Variants in CLCN4 observed in about 807,000 individuals in gnomAD.
CLCN4 encodes H(+)/Cl(-) exchange transporter 4.
Under a neutral mutation model 41.7 loss-of-function variants are expected in CLCN4, and 1 was observed. The ratio of observed to expected loss-of-function variants is 0.02; its 90% CI spans 0.01 to 0.11. The LOEUF is 0.11. Among genes scored for constraint, CLCN4 ranks in the 10% least tolerant of loss-of-function variants. The pLI is 1.00. For missense variants in CLCN4, 287 were observed against 661.0 expected, an observed-to-expected ratio of 0.43 and a Z score of 6.20; for synonymous variants, 277 against 285.8, an observed-to-expected ratio of 0.97 and a Z score of 0.31.
intron 2 of CLCN4, among the ~76,000 whole-genome samples, chrX:10,160,670 G>A (rs960190993): frequency 8.9e-6 from 1 of 111,740 alleles, no homozygotes; most frequent in Non-Finnish European, 1.9e-5. Flanking sequence ...CGAGAGGGTG[G>A]TAATGTCTAT....
At chrX:10,215,542 G>T (rs911747974) in intron 11 of CLCN4, among the ~76,000 whole-genome samples, 13 of 111,815 alleles carry the variant, frequency 1.2e-4, no homozygotes, top group Non-Finnish European at 2.4e-4. Flanking sequence ...AAATAATGAG[G>T]TTTTTTTAAG....
intron 12 of CLCN4, among the ~76,000 whole-genome samples, chrX:10,221,611 C>T (rs1049679565): frequency 1.8e-5 from 2 of 112,553 alleles, no homozygotes; most frequent in East Asian, 5.6e-4. Context: ...GATTGCACCA[C>T]TGCACTCCAG....
chrX:10,168,154 G>GT (rs1479359738), intron 2 of CLCN4, among the ~76,000 whole-genome samples: 4 of 112,389 alleles, frequency 3.6e-5, no homozygotes, highest in Non-Finnish European at 7.5e-5. Context: ...GCAACGGTCT[G>GT]TATTTCATGA....
At chrX:10,196,558 C>CTTTTT (rs1924101483) in intron 5 of CLCN4, among the ~76,000 whole-genome samples, 1 of 48,978 alleles carries the variant, frequency 2.0e-5, no homozygotes, top group African/African-American at 1.6e-4. Context: ...TTTTTTTTGC[C>CTTTTT]TGACTGACTT....
intron 10 of CLCN4, 36 bp downstream of exon 10, chrX:10,212,689 G>T: frequency 2.6e-6 from 3 of 1,140,390 alleles, no homozygotes; most frequent in African/African-American, 3.5e-5. Flanking sequence ...GGGGACCGGG[G>T]AACTAATCTG....
intron 12 of CLCN4, among the ~76,000 whole-genome samples, chrX:10,228,173 G>A (rs1275786525): frequency 1.8e-5 from 2 of 110,338 alleles, no homozygotes; most frequent in East Asian, 2.8e-4. Flanking sequence ...ATACTAGATC[G>A]TATTCATTCT....
In CLCN4 at chrX:10,208,242, C is replaced by G. The variant is rs1280209494; in HGVS notation, c.1041C>G (p.Thr347=). ...GGGTCTTCGGGGGCTTGTGGGGAACCCTCTTCATCCGCTGCAACATCGCCT... is the reference window on the plus strand; with the variant it reads ...GGGTCTTCGGGGGCTTGTGGGGAACGCTCTTCATCCGCTGCAACATCGCCT... ...LLGVFGGLWG[T]LFIRCNIAWC... Residue 347 remains threonine, a synonymous_variant, in exon 9 of 13, where the codon ACC becomes ACG. Transcript: ENST00000380833. 9.9e-6 allele frequency: 12 copies of G among 1,209,171 alleles called. No individual in the cohort carries two copies. Among genetic ancestry groups the G allele is most frequent in the Admixed American group, 4.4e-5 (2 of 45,624 alleles).
At chrX:10,189,608 G>C (rs1315348889) in intron 4 of CLCN4, among the ~76,000 whole-genome samples, 1 of 111,962 alleles carries the variant, frequency 8.9e-6, no homozygotes, top group African/African-American at 3.3e-5. Flanking sequence ...TGATTTGGAT[G>C]CACTTTGAAG....
chrX:10,208,791 A>G (rs945979175), intron 9 of CLCN4, among the ~76,000 whole-genome samples: 1 of 112,159 alleles, frequency 8.9e-6, no homozygotes, highest in Non-Finnish European at 1.9e-5. Flanking sequence ...AGAGATTTTA[A>G]TCCCATTTTA....
chrX:10,206,265 A>G (rs1924385126), intron 6 of CLCN4, 93 bp from the exon 7 acceptor site: 5 of 632,596 alleles, frequency 7.9e-6, no homozygotes, highest in Non-Finnish European at 1.0e-5. Context: ...GTGAATCTAA[A>G]CTTTGAACGT....
At chrX:10,183,296 A>T (rs1923731017) in intron 2 of CLCN4, among the ~76,000 whole-genome samples, 1 of 111,984 alleles carries the variant, frequency 8.9e-6, no homozygotes, top group Non-Finnish European at 1.9e-5. Context: ...AGTTGCACTG[A>T]TGATCAATAA....
At chrX:10,170,598 A>G (rs2147160047) in intron 2 of CLCN4, among the ~76,000 whole-genome samples, 1 of 111,769 alleles carries the variant, frequency 8.9e-6, no homozygotes, top group South Asian at 3.8e-4. Flanking sequence ...GAAGCTTGTT[A>G]GAAATGCAGA....
rs1923845076 is a variant in CLCN4, at chrX:10,187,534, A to C, written c.164A>C (p.Glu55Ala). ...RHRKITSKSKESIWEFIKSLL... is the reference protein window; with the variant it reads ...RHRKITSKSKASIWEFIKSLL... The stretch of plus-strand genomic sequence containing the variant: ...TTCTAGATCACCAGCAAGAGCAAGG[A>C]GTCCATATGGGAGTTCATCAAGAGC... The change falls in exon 4 of 13, where the codon GAG (glutamate) becomes GCG (alanine). Residue 55 changes from glutamate (E) to alanine (A), a missense_variant. By Grantham distance (107) the Glu-to-Ala change is moderately radical. Coordinates refer to ENST00000380833, the MANE Select transcript of CLCN4 (RefSeq NM_001830.4). 8.3e-7 allele frequency: 1 copy of C among 1,206,236 alleles called. No homozygotes were observed. The highest frequency in any genetic ancestry group is 1.8e-5 in the South Asian group (1 of 56,634).
At position 10,185,413 on chromosome X, in the gene CLCN4, C is replaced by G. The variant is rs184571713; in HGVS notation, c.144+237C>G. Among the ~76,000 whole-genome samples, 412 of 111,302 alleles carry G rather than the reference C, an allele frequency of 3.7e-3. 3 individuals are homozygous for G. The highest frequency in any genetic ancestry group is 6.5e-3 in the Non-Finnish European group (345 of 52,969). On this transcript the variant is annotated intron_variant, in intron 3 of 12. Coordinates refer to ENST00000380833, the MANE Select transcript of CLCN4 (RefSeq NM_001830.4). ...TGTGGAGGAGAGGGAGGGGACTTTG[C>G]AGGTGCCATTTCTGGAACCTGTTTT... is the stretch of plus-strand genomic sequence containing the variant.
At chrX:10,187,481 A>G (rs768904980) in intron 3 of CLCN4, 34 bp from the exon 4 acceptor site, 4 of 1,047,993 alleles carry the variant, frequency 3.8e-6, no homozygotes, top group East Asian at 3.1e-5. Flanking sequence ...TCGAAAATGC[A>G]TTCGGATCAG....
rs1924835326 is a variant in CLCN4, at chrX:10,220,666, G to T, written c.1981G>T (p.Ala661Ser). Residue 661 changes from alanine to serine, a missense_variant, in exon 12 of 13, where the codon GCC becomes TCC. Transcript: ENST00000380833. ...TCCTGCTCACCCCATTCTAGAGAAC[G>T]CCAGACAGAGGCAGGAGGGCATTGT... is the stretch of plus-strand genomic sequence containing the variant. ...RRELILAIKN[A>S]RQRQEGIVSN... 8.3e-7 allele frequency: 1 copy of T among 1,207,741 alleles called. No homozygotes were observed. Among genetic ancestry groups the T allele is most frequent in the South Asian group, 1.8e-5 (1 of 56,761 alleles).
chrX:10,225,373 T>A (rs1924964013), intron 12 of CLCN4, among the ~76,000 whole-genome samples: 1 of 112,632 alleles, frequency 8.9e-6, no homozygotes. Flanking sequence ...TTCTCATATG[T>A]TTGTTGGCTA....
intron 2 of CLCN4, among the ~76,000 whole-genome samples, chrX:10,165,784 T>C (rs1437720809): frequency 1.8e-5 from 2 of 112,141 alleles, no homozygotes; most frequent in Non-Finnish European, 3.8e-5. Flanking sequence ...GCCGAGAGAT[T>C]GTTCCTCTTA....
rs146333951 is a variant in CLCN4 at position 10,211,744 on chromosome X, T to A, written c.1390-723T>A. ...GGAGTCAGGCTTGTTCTATAGTACA[T>A]GTGTGGTCATTAGATAAACTAAAAT... On this transcript the variant is annotated intron_variant, in intron 9 of 12. Transcript: ENST00000380833. 3.5e-3 allele frequency among the ~76,000 whole-genome samples: 393 copies of A among 112,002 alleles called. 1 individual carries two copies. Among genetic ancestry groups the A allele is most frequent in the African/African-American group, 0.012 (369 of 30,829 alleles).
Sources: gnomAD v4.1 joint callset for allele counts (sites outside exome capture counted in the v4.1 genomes callset) on GRCh38, gnomAD v4.1.1 for gene constraint, MANE v1.5 for transcripts, NCBI Gene and HGNC (gene_info 2026-07-23, HGNC 2026-07-21) for gene names.